Variants in DENND1B observed in about 807,000 individuals in gnomAD.
The protein encoded by DENND1B is DENN domain-containing protein 1B.
A neutral mutation model predicts 90.1 loss-of-function variants in DENND1B; 59 were observed. The ratio of observed to expected loss-of-function variants is 0.65; its 90% confidence interval spans 0.53 to 0.81. The LOEUF is 0.81. Ranked by LOEUF, DENND1B falls within the 40% of genes least tolerant of loss-of-function variation. The pLI is 0.00. For synonymous variants in DENND1B, 337 were observed against 324.6 expected, an observed-to-expected ratio of 1.04 and a Z score of -0.41; for missense variants, 862 against 912.6, an observed-to-expected ratio of 0.94 and a Z score of 0.71.
At chr1:197,776,352 C>A (rs995314883), upstream of DENND1B, among the ~76,000 whole-genome samples, 3 of 152,172 alleles carry the variant, frequency 2.0e-5, no homozygotes, top group Non-Finnish European at 4.4e-5. Flanking sequence ...TTACTTCTAC[C>A]TCATATTGCC....
intron 3 of DENND1B, among the ~76,000 whole-genome samples, chr1:197,686,851 C>T (rs77817386): frequency 0.017 from 2,516 of 152,088 alleles, 72 homozygotes; most frequent in African/African-American, 0.058. Context: ...GGAATCTACT[C>T]TCACTGCTAT....
At chr1:197,582,981 T>A (rs898656722) in intron 15 of DENND1B, among the ~76,000 whole-genome samples, 171 bp downstream of exon 15, 3 of 152,216 alleles carry the variant, frequency 2.0e-5, no homozygotes, top group African/African-American at 7.2e-5. Flanking sequence ...TATTATATAA[T>A]ATTTCTAGAG....
At chr1:197,669,204 G>T (rs959172056) in intron 5 of DENND1B, among the ~76,000 whole-genome samples, 1 of 151,900 alleles carries the variant, frequency 6.6e-6, no homozygotes, top group Admixed American at 6.6e-5. Context: ...ATCATTATGT[G>T]CTCAAATACA....
At chr1:197,687,655 T>A (rs541274111) in intron 3 of DENND1B, among the ~76,000 whole-genome samples, 156 of 152,190 alleles carry the variant, frequency 1.0e-3, no homozygotes, top group African/African-American at 3.4e-3. Flanking sequence ...ACAAACAGGG[T>A]GAGACTATCT....
intron 2 of DENND1B, among the ~76,000 whole-genome samples, chr1:197,759,130 C>T (rs1654686708): frequency 6.6e-6 from 1 of 151,386 alleles, no homozygotes; most frequent in Non-Finnish European, 1.5e-5. Flanking sequence ...ACCACTACAC[C>T]CAGCTAACTT....
chr1:197,528,769 A>G (rs1447102365), intron 20 of DENND1B, among the ~76,000 whole-genome samples: 1 of 151,046 alleles, frequency 6.6e-6, no homozygotes, highest in Non-Finnish European at 1.5e-5. Context: ...CTGAGGCAGG[A>G]GAATGGCGTG....
chr1:197,680,549 T>C (rs1656581796), intron 3 of DENND1B, among the ~76,000 whole-genome samples: 1 of 152,128 alleles, frequency 6.6e-6, no homozygotes, highest in South Asian at 2.1e-4. Context: ...CTATCGAGAG[T>C]AAAGGAAATA....
At position 197,775,238 on chromosome 1, in the gene DENND1B, C is replaced by CGCCCA. The variant is rs1321803875; in HGVS notation, c.-84_-83insTGGGC. ...GCAGCCCGGCCGCGCGAGGGTCGCG[C>CGCCCA]CGTCCCCGCCCACGCCGGCGGCCAC... On this transcript the variant is annotated 5_prime_UTR_variant, in exon 1 of 23. Coordinates refer to ENST00000620048, the MANE Select transcript of DENND1B (RefSeq NM_001195215.2). 13 of 1,110,668 alleles carry CGCCCA rather than the reference C, an allele frequency of 1.2e-5. No individual in the cohort carries two copies. The highest frequency in any genetic ancestry group is 1.5e-5 in the Non-Finnish European group (13 of 871,728). 68.8% of individuals were successfully genotyped at this position (1,110,668 alleles called of 1,614,324 possible).
intron 2 of DENND1B, chr1:197,735,879 A>AT: frequency 6.4e-7 from 1 of 1,554,060 alleles, no homozygotes; most frequent in Non-Finnish European, 8.9e-7. Context: ...GCAGGGGGCT[A>AT]TTACAGGTGC....
rs141077399 is a variant in DENND1B at position 197,657,735 on chromosome 1, G to A, written c.366+565C>T. ...AAATGCAGAATTATCTTACTACCCA[G>A]TAATTCCACTTTTAGGTATATACCC... On this transcript the variant is annotated intron_variant, in intron 6 of 22. Transcript: ENST00000620048. 6.7e-4 allele frequency among the ~76,000 whole-genome samples: 102 copies of A among 152,204 alleles called. No homozygotes were observed. In the East Asian group the frequency reaches 0.02, roughly 29 times the overall value.
intron 20 of DENND1B, among the ~76,000 whole-genome samples, chr1:197,519,683 CTT>C (rs1194131541): frequency 6.6e-6 from 1 of 151,896 alleles, no homozygotes; most frequent in Non-Finnish European, 1.5e-5. Context: ...CAAGGGAAGT[CTT>C]TCCCTGAAAG....
At chr1:197,750,777 C>A (rs1653389391) in intron 2 of DENND1B, among the ~76,000 whole-genome samples, 1 of 152,094 alleles carries the variant, frequency 6.6e-6, no homozygotes, top group East Asian at 1.9e-4. Flanking sequence ...AAAGAAACAA[C>A]CTTTTGAACT....
At chr1:197,770,846 A>G (rs1227557911) in intron 2 of DENND1B, among the ~76,000 whole-genome samples, 1 of 123,092 alleles carries the variant, frequency 8.1e-6, no homozygotes, top group Non-Finnish European at 1.8e-5. Context: ...AAATATATAT[A>G]AATATATATC....
chr1:197,545,688 C>A, intron 18 of DENND1B: 1 of 396,698 alleles, frequency 2.5e-6, no homozygotes, highest in Non-Finnish European at 4.4e-6. Context: ...CACAACTTTG[C>A]CGATAGCTTT....
chr1:197,668,830 A>G (rs1655196872), intron 5 of DENND1B, among the ~76,000 whole-genome samples: 1 of 151,328 alleles, frequency 6.6e-6, no homozygotes, highest in South Asian at 2.1e-4. Context: ...ATTTTAATAG[A>G]TATTATTAAA....
chr1:197,558,728 T>C (rs998637985), intron 15 of DENND1B, among the ~76,000 whole-genome samples: 2 of 151,924 alleles, frequency 1.3e-5, no homozygotes, highest in Non-Finnish European at 2.9e-5. Context: ...AAACTGCTTC[T>C]GGCTCTTCTT....
chr1:197,534,141 A>T lies in DENND1B; in HGVS notation c.1515+5823T>A, dbSNP rs201136587. ...GAAGGACATGAACAGACACTTCTCA[A>T]AACAAATCTTTTAAAAGAATTTGGA... On this transcript the variant is annotated intron_variant, in intron 20 of 22. Coordinates refer to ENST00000620048, the MANE Select transcript of DENND1B (RefSeq NM_001195215.2). Among the ~76,000 whole-genome samples the T allele has an allele frequency of 1.6e-3, 2 of 1,258 alleles. 1 individual carries two copies. Among genetic ancestry groups the T allele is most frequent in the African/African-American group, 1.6e-3 (2 of 1,224 alleles). 0.8% of individuals were successfully genotyped at this position (1,258 alleles called of 152,430 possible).
chr1:197,556,838 C>T (rs1043417260), intron 15 of DENND1B, among the ~76,000 whole-genome samples: 1 of 151,954 alleles, frequency 6.6e-6, no homozygotes, highest in Non-Finnish European at 1.5e-5. Flanking sequence ...CCAGTACCAC[C>T]ACCTTTTCTA....
Position 197,575,243 on chromosome 1 carries a change from GA to G in DENND1B, c.1149+7908del, listed in dbSNP as rs1024095399. Among the ~76,000 whole-genome samples the G allele has an allele frequency of 1.0e-3, 151 of 147,972 alleles. 1 individual carries two copies. In the South Asian group the frequency reaches 0.012, roughly 12 times the overall value. ...ACAAAGAACTTAAACAAATTTACAAGAAAAAAAAAAACCATTAAAAAGTGGG... is the reference window on the plus strand; with the variant it reads ...ACAAAGAACTTAAACAAATTTACAAGAAAAAAAAAACCATTAAAAAGTGGG... On this transcript the variant is annotated intron_variant, in intron 15 of 22. Transcript: ENST00000620048.
Sources: allele counts gnomAD v4.1 joint callset (sites outside exome capture counted in the v4.1 genomes callset), GRCh38; gene constraint gnomAD v4.1.1; transcripts MANE v1.5; gene names NCBI Gene and HGNC (gene_info 2026-07-23, HGNC 2026-07-21).